MLIP: variants seen among roughly 807,000 people sequenced by gnomAD.
The protein encoded by MLIP is muscular LMNA-interacting protein.
MLIP carries 79 observed loss-of-function variants against 84.8 expected under a neutral mutation model. The ratio of observed to expected loss-of-function variants is 0.93; its 90% confidence interval spans 0.78 to 1.12. MLIP has a LOEUF of 1.12. MLIP is among the 50% of genes most tolerant of loss of function. The probability of loss-of-function intolerance (pLI) is 0.00; values close to 1 mark genes in which losing one functional copy is unlikely to be tolerated. For synonymous variants in MLIP, 504 were observed against 463.0 expected (o/e 1.09, Z -1.14); for missense variants, 1,257 against 1,160.6 (o/e 1.08, Z -1.21).
intron 1 of MLIP, among the ~76,000 whole-genome samples, chr6:54,117,372 G>A (rs1770026350): frequency 6.6e-6 from 1 of 151,538 alleles, no homozygotes; most frequent in Non-Finnish European, 1.5e-5. Context: ...CCGCCACGAC[G>A]CCTGGCTAAT....
chr6:54,145,792 C>T (rs573668818), intron 4 of MLIP, among the ~76,000 whole-genome samples: 5 of 143,094 alleles, frequency 3.5e-5, no homozygotes, highest in Middle Eastern at 3.4e-3. Context: ...CCCCCTCCCC[C>T]ACAAAAAAAA....
intron 1 of MLIP, among the ~76,000 whole-genome samples, chr6:54,119,447 T>C (rs1770243783): frequency 6.6e-6 from 1 of 152,186 alleles, no homozygotes; most frequent in African/African-American, 2.4e-5. Context: ...GAAAGACAAA[T>C]ACTGCATGAT....
At chr6:54,107,328 A>C (rs2150399362), upstream of MLIP, among the ~76,000 whole-genome samples, 1 of 152,360 alleles carries the variant, frequency 6.6e-6, no homozygotes, top group East Asian at 1.9e-4. Flanking sequence ...TAATAACAGA[A>C]GTAGAAGTCT....
chr6:54,106,822 G>A (rs1769051963), upstream of MLIP, among the ~76,000 whole-genome samples: 1 of 152,166 alleles, frequency 6.6e-6, no homozygotes, highest in African/African-American at 2.4e-5. Flanking sequence ...ATCCAGAGAA[G>A]CCATCCAGTC....
intron 12 of MLIP, among the ~76,000 whole-genome samples, chr6:54,255,994 G>A (rs1346187639): frequency 6.6e-6 from 1 of 152,086 alleles, no homozygotes; most frequent in Non-Finnish European, 1.5e-5. Context: ...TAGGATCTCA[G>A]GAGACTCTGA....
chr6:54,029,071 G>C (rs2150278350), intron 1 of MLIP: 1 of 152,252 alleles, frequency 6.6e-6, no homozygotes, highest in Middle Eastern at 3.4e-3. Flanking sequence ...AAATGAACAT[G>C]TGTGTTCCAT....
intron 3 of MLIP, among the ~76,000 whole-genome samples, chr6:54,130,290 G>C (rs1321794162): frequency 6.6e-6 from 1 of 152,128 alleles, no homozygotes; most frequent in Non-Finnish European, 1.5e-5. Context: ...GATGATGTAG[G>C]CTTTTAAGAA....
intron 12 of MLIP, among the ~76,000 whole-genome samples, chr6:54,256,703 C>A (rs943181262): frequency 6.6e-6 from 1 of 152,108 alleles, no homozygotes; most frequent in Admixed American, 6.6e-5. Context: ...TCCCACATAA[C>A]AAAAGACCTT....
At chr6:54,084,825 G>T (rs75684844) in intron 1 of MLIP, among the ~76,000 whole-genome samples, 1,637 of 152,236 alleles carry the variant, frequency 0.011, 30 homozygotes, top group African/African-American at 0.038. Context: ...GTGGATAAAA[G>T]CTTCAAAAAT....
intron 1 of MLIP, among the ~76,000 whole-genome samples, chr6:54,022,257 A>G (rs1483162809): frequency 6.6e-6 from 1 of 152,244 alleles, no homozygotes; most frequent in Non-Finnish European, 1.5e-5. Flanking sequence ...ATTGTAATAT[A>G]CTAAAGACTG....
chr6:54,024,485 A>G (rs1763686478), intron 1 of MLIP, among the ~76,000 whole-genome samples: 3 of 152,216 alleles, frequency 2.0e-5, no homozygotes, highest in Non-Finnish European at 4.4e-5. Context: ...GATGCAACCT[A>G]GTGCCTATTG....
intron 1 of MLIP, among the ~76,000 whole-genome samples, chr6:54,048,666 T>C (rs1765209568): frequency 1.3e-5 from 2 of 152,134 alleles, no homozygotes; most frequent in African/African-American, 2.4e-5. Flanking sequence ...ATGTTTCCCC[T>C]GAAGAGCAGA....
At chr6:54,111,654 T>A (rs1166333563) in intron 1 of MLIP, 79 bp downstream of exon 1, 3 of 1,404,396 alleles carry the variant, frequency 2.1e-6, no homozygotes, top group Non-Finnish European at 2.9e-6. Context: ...GCTGCAAGGA[T>A]GTGAGGGAGA....
At chr6:54,203,112 C>CTTA (rs1778804961) in intron 11 of MLIP, among the ~76,000 whole-genome samples, 1 of 152,022 alleles carries the variant, frequency 6.6e-6, no homozygotes, top group African/African-American at 2.4e-5. Context: ...CTAGATTCTC[C>CTTA]TTATATATGT....
At chr6:54,028,869 C>T (rs908900668) in intron 1 of MLIP, 2 of 152,220 alleles carry the variant, frequency 1.3e-5, no homozygotes, top group Non-Finnish European at 2.9e-5. Context: ...TTTGCAAAGT[C>T]ATTTATACTA....
At chr6:54,198,193 G>A (rs745870330) in intron 10 of MLIP, among the ~76,000 whole-genome samples, 18 of 152,234 alleles carry the variant, frequency 1.2e-4, no homozygotes, top group Non-Finnish European at 2.5e-4. Flanking sequence ...TGCAGATTCG[G>A]ATTCAGTAGG....
intron 12 of MLIP, among the ~76,000 whole-genome samples, chr6:54,255,138 C>T (rs1335975219): frequency 2.0e-5 from 3 of 152,108 alleles, no homozygotes; most frequent in Non-Finnish European, 2.9e-5. Context: ...CATTCACTTC[C>T]CCTGTCTCTC....
At chr6:54,157,777 ATG>A (rs1379225908) in intron 5 of MLIP, among the ~76,000 whole-genome samples, 49 of 152,134 alleles carry the variant, frequency 3.2e-4, no homozygotes, top group Admixed American at 2.0e-4. Context: ...AGTTATTTTT[ATG>A]AAATTTTCAG....
intron 4 of MLIP, among the ~76,000 whole-genome samples, chr6:54,139,211 AT>A (rs1343648345): frequency 1.3e-5 from 2 of 152,218 alleles, no homozygotes; most frequent in South Asian, 2.1e-4. Flanking sequence ...GTAGAAAAAA[AT>A]ATACACAATT....
Sources: gnomAD v4.1 joint callset for allele counts (sites outside exome capture counted in the v4.1 genomes callset) on GRCh38, gnomAD v4.1.1 for gene constraint, MANE v1.5 for transcripts, NCBI Gene and HGNC (gene_info 2026-07-23, HGNC 2026-07-21) for gene names.